Variants in EPHA4 observed in about 807,000 individuals in gnomAD.
EPHA4 encodes the protein EPH receptor A4, also known as ephrin type-A receptor 4.
Under a neutral mutation model 108.3 loss-of-function variants are expected in EPHA4, and 19 were observed. The observed-to-expected ratio is 0.18, with a 90% CI of 0.12 to 0.26. EPHA4 has a LOEUF of 0.26. Ranked by LOEUF, EPHA4 falls within the 10% of genes least tolerant of loss-of-function variation. The pLI, the probability that EPHA4 is intolerant of heterozygous loss-of-function variation, is 1.00. For missense variants in EPHA4, 917 were observed against 1,254.0 expected, an observed-to-expected ratio of 0.73 and a Z score of 4.06; for synonymous variants, 449 against 455.5, an observed-to-expected ratio of 0.99 and a Z score of 0.18.
intron 7 of EPHA4, 78 bp from the exon 8 acceptor site, chr2:221,455,736 A>T: frequency 9.9e-7 from 1 of 1,008,352 alleles, no homozygotes; most frequent in Non-Finnish European, 1.5e-6. Context: ...CACAGTTTTC[A>T]GTGTTCTGAA....
intron 5 of EPHA4, among the ~76,000 whole-genome samples, chr2:221,473,635 T>C (rs189044912): frequency 1.3e-5 from 2 of 152,158 alleles, no homozygotes; most frequent in Admixed American, 1.3e-4. Context: ...CTGGATCTTT[T>C]CATTGATGTT....
At chr2:221,527,044 G>A (rs1389586674) in intron 3 of EPHA4, among the ~76,000 whole-genome samples, 4 of 151,672 alleles carry the variant, frequency 2.6e-5, no homozygotes, top group Non-Finnish European at 5.9e-5. Context: ...GGAGAATGGC[G>A]TGAACCCGGG....
At chr2:221,436,672 A>G (rs1302633654) in intron 12 of EPHA4, 64 bp from the exon 13 acceptor site, 2 of 1,480,596 alleles carry the variant, frequency 1.4e-6, no homozygotes, top group Non-Finnish European at 9.4e-7. Flanking sequence ...CTCACCAAGC[A>G]TTTATTACTT....
intron 3 of EPHA4, among the ~76,000 whole-genome samples, chr2:221,558,341 T>C (rs891478043): frequency 1.3e-5 from 2 of 151,984 alleles, no homozygotes; most frequent in African/African-American, 2.4e-5. Flanking sequence ...ATGGTAGACT[T>C]ACAATTTTTA....
At chr2:221,453,632 T>C (rs1690851411) in intron 8 of EPHA4, among the ~76,000 whole-genome samples, 1 of 152,210 alleles carries the variant, frequency 6.6e-6, no homozygotes, top group Non-Finnish European at 1.5e-5. Context: ...TGCCAATGTC[T>C]ATATGTTTTT....
chr2:221,475,727 T>C (rs1042459851), intron 5 of EPHA4, among the ~76,000 whole-genome samples: 6 of 152,254 alleles, frequency 3.9e-5, no homozygotes, highest in African/African-American at 1.4e-4. Context: ...TATTTATGAA[T>C]GCCAATACTT....
chr2:221,464,211 T>C (rs879460842), intron 5 of EPHA4, among the ~76,000 whole-genome samples: 6 of 152,212 alleles, frequency 3.9e-5, no homozygotes, highest in Non-Finnish European at 8.8e-5. Flanking sequence ...GGGTCTTTCA[T>C]TGATAGAAAA....
At chr2:221,467,073 TA>T (rs1691335390) in intron 5 of EPHA4, among the ~76,000 whole-genome samples, 1 of 152,160 alleles carries the variant, frequency 6.6e-6, no homozygotes, top group South Asian at 2.1e-4. Context: ...AGACAAACCT[TA>T]AAACTTTTGG....
intron 3 of EPHA4, among the ~76,000 whole-genome samples, chr2:221,506,829 A>G (rs1692644893): frequency 6.6e-6 from 1 of 152,246 alleles, no homozygotes; most frequent in South Asian, 2.1e-4. Context: ...ATGTAATAAG[A>G]TAGAAAACAA....
chr2:221,442,319 A>G (rs1367537010), intron 11 of EPHA4, among the ~76,000 whole-genome samples: 3 of 152,202 alleles, frequency 2.0e-5, no homozygotes, highest in Admixed American at 6.5e-5. Context: ...CTAAAAAAGG[A>G]AAGTTCAACC....
chr2:221,522,811 G>GGA (rs1465442364), intron 3 of EPHA4, among the ~76,000 whole-genome samples: 1 of 151,668 alleles, frequency 6.6e-6, no homozygotes, highest in Non-Finnish European at 1.5e-5. Context: ...TGCCCAGGCT[G>GGA]GAGTGCAGTG....
At chr2:221,434,087 C>A (rs1690159446) in intron 14 of EPHA4, 55 bp downstream of exon 14, 1 of 1,564,042 alleles carries the variant, frequency 6.4e-7, no homozygotes, top group South Asian at 1.2e-5. Context: ...TACAGTAATG[C>A]AGAACTTCCT....
intron 3 of EPHA4, among the ~76,000 whole-genome samples, chr2:221,537,486 A>G (rs943847685): frequency 3.3e-5 from 5 of 152,246 alleles, no homozygotes; most frequent in African/African-American, 1.2e-4. Context: ...AACTAAGCAC[A>G]TTTAAAAAGA....
At chr2:221,524,182 T>C (rs1486355383) in intron 3 of EPHA4, among the ~76,000 whole-genome samples, 1 of 152,218 alleles carries the variant, frequency 6.6e-6, no homozygotes. Context: ...AGAGCAAAGA[T>C]GTCCAGCCAC....
rs1559297381 is a variant in EPHA4, at chr2:221,566,951, A to AGAAGGAGAAGGAGAAGGG, written c.159+1766_159+1767insCCCTTCTCCTTCTCCTTC. 6.6e-4 allele frequency among the ~76,000 whole-genome samples: 32 copies of AGAAGGAGAAGGAGAAGGG among 48,624 alleles called. 3 individuals are homozygous for AGAAGGAGAAGGAGAAGGG. In the East Asian group the frequency reaches 0.012, roughly 18 times the overall value. 31.9% of individuals were successfully genotyped at this position (48,624 alleles called of 152,430 possible). ...GAGAAGGAGAAGGAGAAGGAGAAGGAGAAGGGGAAGAGGAAGAGGAAGAAG... is the reference window on the plus strand; with the variant it reads ...GAGAAGGAGAAGGAGAAGGAGAAGGAGAAGGAGAAGGAGAAGGGGAAGGGGAAGAGGAAGAGGAAGAAG... On this transcript the variant is annotated intron_variant, in intron 2 of 17. Coordinates refer to ENST00000281821, the MANE Select transcript of EPHA4 (RefSeq NM_004438.5).
intron 3 of EPHA4, among the ~76,000 whole-genome samples, chr2:221,528,580 C>T (rs150719063): frequency 1.3e-3 from 197 of 152,300 alleles, no homozygotes; most frequent in African/African-American, 4.4e-3. Context: ...TTTTCCTAAA[C>T]AGTACCTCAT....
At chr2:221,504,500 C>G (rs1433382066) in intron 3 of EPHA4, among the ~76,000 whole-genome samples, 4 of 150,700 alleles carry the variant, frequency 2.7e-5, no homozygotes, top group African/African-American at 9.8e-5. Context: ...AGTATAATGC[C>G]CAATTTAATG....
At chr2:221,447,846 A>AT (rs1690642516) in intron 8 of EPHA4, among the ~76,000 whole-genome samples, 5 of 51,436 alleles carry the variant, frequency 9.7e-5, no homozygotes, top group Non-Finnish European at 1.3e-4. Flanking sequence ...TATTTATTTA[A>AT]TTTATTATTT....
chr2:221,496,191 C>CCTA (rs1272817080), intron 4 of EPHA4, among the ~76,000 whole-genome samples: 1 of 152,120 alleles, frequency 6.6e-6, no homozygotes, highest in East Asian at 1.9e-4. Context: ...TTGAGAAACT[C>CCTA]CTACTGTCTT....
Sources: allele counts gnomAD v4.1 joint callset (sites outside exome capture counted in the v4.1 genomes callset), GRCh38; gene constraint gnomAD v4.1.1; transcripts MANE v1.5; gene names NCBI Gene and HGNC (gene_info 2026-07-23, HGNC 2026-07-21).